Variants in TBC1D1 observed in about 807,000 individuals in gnomAD.
TBC1D1 encodes the protein TBC1 domain family member 1.
In TBC1D1, 89 loss-of-function variants were observed where a neutral mutation model predicts 125.6. The ratio of observed to expected loss-of-function variants is 0.71; its 90% CI spans 0.60 to 0.85. The LOEUF (loss-of-function observed/expected upper bound fraction) is 0.85. TBC1D1 is among the 40% of genes least tolerant of loss of function. The pLI is 0.00. For missense variants in TBC1D1, 1,377 were observed against 1,469.2 expected, an observed-to-expected ratio of 0.94 and a Z score of 1.03; for synonymous variants, 565 against 564.1, an observed-to-expected ratio of 1.00 and a Z score of -0.02.
At chr4:38,122,403 C>T (rs1457026291) in intron 17 of TBC1D1, among the ~76,000 whole-genome samples, 1 of 149,720 alleles carries the variant, frequency 6.7e-6, no homozygotes, top group Non-Finnish European at 1.5e-5. Flanking sequence ...CCACCTTCTG[C>T]CCTGCACAAC....
At chr4:37,986,559 C>G (rs975384352) in intron 2 of TBC1D1, among the ~76,000 whole-genome samples, 13 of 152,160 alleles carry the variant, frequency 8.5e-5, no homozygotes, top group African/African-American at 2.4e-4. Context: ...GATTCTCCTG[C>G]CTCAGCCTCC....
chr4:38,007,876 C>T (rs6850200), intron 2 of TBC1D1, among the ~76,000 whole-genome samples: 1 of 151,998 alleles, frequency 6.6e-6, no homozygotes, highest in African/African-American at 2.4e-5. Flanking sequence ...CCTATGAAGC[C>T]CTGCCTTCCC....
chr4:38,050,003 C>CT, intron 11 of TBC1D1, 105 bp downstream of exon 11: 1 of 1,313,190 alleles, frequency 7.6e-7, no homozygotes, highest in Non-Finnish European at 1.0e-6. Context: ...ATGAGTCAGG[C>CT]TTTACTCTTG....
chr4:38,084,864 C>G (rs1044843580), intron 12 of TBC1D1, among the ~76,000 whole-genome samples: 5 of 152,296 alleles, frequency 3.3e-5, no homozygotes, highest in African/African-American at 1.2e-4. Flanking sequence ...TCTAGAGCTC[C>G]TCTTTCTTAC....
At chr4:38,080,194 G>T (rs748709577) in intron 12 of TBC1D1, among the ~76,000 whole-genome samples, 6 of 152,232 alleles carry the variant, frequency 3.9e-5, no homozygotes, top group Non-Finnish European at 8.8e-5. Flanking sequence ...CAGATGTCCT[G>T]ACCTCTGTGC....
intron 2 of TBC1D1, among the ~76,000 whole-genome samples, chr4:37,958,654 A>C (rs1729364010): frequency 6.6e-6 from 1 of 152,172 alleles, no homozygotes; most frequent in South Asian, 2.1e-4. Flanking sequence ...CACATATATG[A>C]CATCTTTTAC....
At chr4:38,000,099 G>A (rs1454868810) in intron 2 of TBC1D1, among the ~76,000 whole-genome samples, 1 of 152,136 alleles carries the variant, frequency 6.6e-6, no homozygotes, top group Admixed American at 6.5e-5. Context: ...AGCGTCTGGC[G>A]AGGCTTTCTC....
chr4:38,054,118 T>A, intron 11 of TBC1D1, 81 bp from the exon 14 acceptor site: 1 of 1,438,066 alleles, frequency 7.0e-7, no homozygotes, highest in Admixed American at 1.8e-5. Context: ...AATTTAGTGA[T>A]TTGTTTAAAA....
chr4:37,953,838 T>C (rs35746426), intron 2 of TBC1D1, among the ~76,000 whole-genome samples: 17,695 of 152,194 alleles, frequency 0.12, 1,956 homozygotes, highest in East Asian at 0.49. Context: ...CTAAAAGTAA[T>C]AGAATGCCTA....
chr4:38,080,604 C>T (rs947278731), intron 12 of TBC1D1, among the ~76,000 whole-genome samples: 1 of 152,232 alleles, frequency 6.6e-6, no homozygotes, highest in African/African-American at 2.4e-5. Context: ...GACTGCCCCG[C>T]ATCTCCTTCC....
intron 18 of TBC1D1, 117 bp downstream of exon 20, chr4:38,125,248 T>A: frequency 1.1e-6 from 1 of 950,328 alleles, no homozygotes; most frequent in Non-Finnish European, 1.6e-6. Context: ...GCATTCTGCA[T>A]GATGCCTGGC....
intron 18 of TBC1D1, 109 bp from the exon 21 acceptor site, chr4:38,132,975 C>T (rs1471133092): frequency 3.5e-6 from 3 of 864,566 alleles, no homozygotes; most frequent in Non-Finnish European, 5.4e-6. Flanking sequence ...TAGAGCTAAG[C>T]GTAGAGGAGA....
chr4:38,001,223 A>AAAAGAAAGAAAG (rs34403727), intron 2 of TBC1D1, among the ~76,000 whole-genome samples: 2,489 of 150,048 alleles, frequency 0.017, 72 homozygotes, highest in African/African-American at 0.058. Context: ...CCGTCTCAAA[A>AAAAGAAAGAAAG]AAAGAAAGAA....
At chr4:38,081,806 C>T (rs1578601178) in intron 12 of TBC1D1, among the ~76,000 whole-genome samples, 2 of 152,038 alleles carry the variant, frequency 1.3e-5, no homozygotes, top group Admixed American at 6.6e-5. Flanking sequence ...AGGAGCTTGC[C>T]CATTTCCTGG....
At chr4:37,937,398 A>G (rs1724613711) in intron 2 of TBC1D1, among the ~76,000 whole-genome samples, 1 of 152,170 alleles carries the variant, frequency 6.6e-6, no homozygotes, top group African/African-American at 2.4e-5. Context: ...ATAAATGCTT[A>G]CGATAAAAAT....
At chr4:38,068,042 C>T (rs987301992) in intron 12 of TBC1D1, among the ~76,000 whole-genome samples, 7 of 152,208 alleles carry the variant, frequency 4.6e-5, no homozygotes, top group Non-Finnish European at 8.8e-5. Flanking sequence ...CCCTGGGGCT[C>T]AGTGGTGACA....
chr4:38,109,791 A>G (rs1761936133), intron 15 of TBC1D1, among the ~76,000 whole-genome samples: 1 of 152,244 alleles, frequency 6.6e-6, no homozygotes, highest in Non-Finnish European at 1.5e-5. Flanking sequence ...ACTGATAACC[A>G]AGTGACTTAA....
chr4:38,027,957 G>A (rs2152446286), intron 7 of TBC1D1, 78 bp downstream of exon 7: 1 of 1,127,560 alleles, frequency 8.9e-7, no homozygotes. Context: ...GTAAAAAATA[G>A]CAAACCAGTG....
At chr4:37,898,830 T>G (rs886294876) in intron 1 of TBC1D1, among the ~76,000 whole-genome samples, 16 of 152,164 alleles carry the variant, frequency 1.1e-4, no homozygotes, top group African/African-American at 3.9e-4. Flanking sequence ...GGGATTATAT[T>G]CTGAGGAGAG....
Sources: gnomAD v4.1 joint callset for allele counts (sites outside exome capture counted in the v4.1 genomes callset) on GRCh38, gnomAD v4.1.1 for gene constraint, MANE v1.5 for transcripts, NCBI Gene and HGNC (gene_info 2026-07-23, HGNC 2026-07-21) for gene names.